Variants in MYO3B observed in about 807,000 individuals in gnomAD.
The protein encoded by MYO3B is myosin IIIB.
In MYO3B, 156 loss-of-function variants were observed where a neutral mutation model predicts 174.6. The ratio of observed to expected loss-of-function variants is 0.89; its 90% CI spans 0.78 to 1.02. The LOEUF (loss-of-function observed/expected upper bound fraction) is 1.02, where lower values mean the gene tolerates loss of function less well. Among genes scored for constraint, MYO3B ranks in the 50% least tolerant of loss-of-function variants. The probability of loss-of-function intolerance (pLI) is 0.00; values close to 1 mark genes in which losing one functional copy is unlikely to be tolerated. For missense variants in MYO3B, 1,632 were observed against 1,639.4 expected, an observed-to-expected ratio of 1.00 and a Z score of 0.08; for synonymous variants, 563 against 569.1, an observed-to-expected ratio of 0.99 and a Z score of 0.15.
rs752391403 is a variant in MYO3B at position 170,369,394 on chromosome 2, C to T, written c.971+17C>T. 4 of 1,603,068 alleles carry T rather than the reference C, an allele frequency of 2.5e-6. No individual in the cohort carries two copies. In the South Asian group the frequency reaches 3.3e-5, roughly 13 times the overall value. ...TAAAACCAGGTACTGTACTCTCTTT[C>T]TTCTTTCTCCCTGTGGTTGTTTATA... is the stretch of plus-strand genomic sequence containing the variant. On this transcript the variant is annotated intron_variant, in intron 9 of 34. Coordinates refer to ENST00000408978, the MANE Select transcript of MYO3B (RefSeq NM_138995.5).
chr2:170,256,740 A>G (rs1369788593), intron 7 of MYO3B, among the ~76,000 whole-genome samples: 1 of 152,150 alleles, frequency 6.6e-6, no homozygotes, highest in Non-Finnish European at 1.5e-5. Flanking sequence ...TGACAGGATC[A>G]AAACCTCACA....
chr2:170,595,931 A>G (rs1694120845), intron 32 of MYO3B, among the ~76,000 whole-genome samples: 2 of 152,180 alleles, frequency 1.3e-5, no homozygotes, highest in South Asian at 2.1e-4. Context: ...ATGTAGTTGC[A>G]TCTTAGTGAG....
chr2:170,329,471 C>T (rs2093896187), intron 7 of MYO3B, among the ~76,000 whole-genome samples: 1 of 151,534 alleles, frequency 6.6e-6, no homozygotes, highest in Non-Finnish European at 1.5e-5. Context: ...ATCTCCACCT[C>T]ACAGGTTCCA....
chr2:170,637,949 C>G (rs889896337), intron 32 of MYO3B, among the ~76,000 whole-genome samples: 1 of 152,152 alleles, frequency 6.6e-6, no homozygotes, highest in Non-Finnish European at 1.5e-5. Context: ...ACTGAAAGAT[C>G]ACAACTGCAT....
At chr2:170,375,280 G>A (rs1465543870) in intron 9 of MYO3B, among the ~76,000 whole-genome samples, 2 of 152,202 alleles carry the variant, frequency 1.3e-5, no homozygotes, top group Middle Eastern at 3.4e-3. Context: ...ATTTTACAAG[G>A]GTTATTGGGA....
intron 7 of MYO3B, among the ~76,000 whole-genome samples, chr2:170,274,684 T>C (rs1388971310): frequency 6.6e-6 from 1 of 152,176 alleles, no homozygotes; most frequent in African/African-American, 2.4e-5. Context: ...ATTCTAGTGA[T>C]AATTCCATGA....
intron 23 of MYO3B, among the ~76,000 whole-genome samples, chr2:170,458,451 A>G (rs1388962444): frequency 6.6e-6 from 1 of 152,168 alleles, no homozygotes; most frequent in Non-Finnish European, 1.5e-5. Context: ...TTTTTATCCT[A>G]AGGTAAAGAA....
chr2:170,526,017 A>T (rs1441126976), intron 30 of MYO3B, among the ~76,000 whole-genome samples: 1 of 152,172 alleles, frequency 6.6e-6, no homozygotes, highest in African/African-American at 2.4e-5. Context: ...ATGATGTGGG[A>T]GTGGTGGTAG....
Position 170,217,364 on chromosome 2 carries a change from C to T in MYO3B, c.572C>T (p.Ser191Phe), listed in dbSNP as rs1218556958. 1 of 1,614,138 alleles carries T rather than the reference C, an allele frequency of 6.2e-7. No homozygotes were observed. The change falls in exon 6 of 35, where the codon TCT (serine) becomes TTT (phenylalanine). Residue 191 changes from serine to phenylalanine, a missense_variant. Ser to Phe is a radical substitution (Grantham distance 155). Transcript: ENST00000408978. ...AGTACACGTCTGCGGAGAAACACAT[C>T]TGTTGGCACCCCGTTCTGGATGGCC... Reference protein sequence around the residue: ...LTSTRLRRNTSVGTPFWMAPE... With the variant: ...LTSTRLRRNTFVGTPFWMAPE...
At chr2:170,211,402 G>T (rs916730540) in intron 3 of MYO3B, among the ~76,000 whole-genome samples, 12 of 152,160 alleles carry the variant, frequency 7.9e-5, no homozygotes, top group African/African-American at 2.4e-4. Context: ...CCCGATTTTA[G>T]CCATGCCAAG....
At chr2:170,623,511 T>C (rs149664478) in intron 32 of MYO3B, among the ~76,000 whole-genome samples, 1,661 of 152,282 alleles carry the variant, frequency 0.011, 33 homozygotes, top group African/African-American at 0.038. Context: ...AATTTTCTCC[T>C]ATTCTGTAGG....
chr2:170,415,682 C>G (rs902829821), intron 22 of MYO3B, among the ~76,000 whole-genome samples: 4 of 152,194 alleles, frequency 2.6e-5, no homozygotes, highest in Non-Finnish European at 5.9e-5. Context: ...AAAGATACCA[C>G]ATGACCAATG....
chr2:170,494,531 A>G (rs1197460209), intron 25 of MYO3B, among the ~76,000 whole-genome samples: 1 of 151,928 alleles, frequency 6.6e-6, no homozygotes, highest in African/African-American at 2.4e-5. Flanking sequence ...AATTCAAGAT[A>G]TGCCTGGCCA....
chr2:170,467,366 T>C (rs913583776), intron 25 of MYO3B, among the ~76,000 whole-genome samples: 1 of 152,192 alleles, frequency 6.6e-6, no homozygotes, highest in East Asian at 1.9e-4. Flanking sequence ...TTCAGTGCAT[T>C]CAATCAATAT....
intron 30 of MYO3B, among the ~76,000 whole-genome samples, chr2:170,526,947 G>A (rs1192637011): frequency 2.0e-5 from 3 of 152,146 alleles, no homozygotes; most frequent in Admixed American, 1.3e-4. Context: ...AGGACCAGAG[G>A]CCTCTTTTAA....
chr2:170,183,745 T>C (rs2092431445), intron 1 of MYO3B, among the ~76,000 whole-genome samples: 2 of 152,308 alleles, frequency 1.3e-5, no homozygotes, highest in South Asian at 2.1e-4. Context: ...GAGATACTTG[T>C]CTTTTTTCTT....
intron 3 of MYO3B, among the ~76,000 whole-genome samples, chr2:170,210,221 C>A (rs1187828233): frequency 6.6e-6 from 1 of 152,132 alleles, no homozygotes; most frequent in Non-Finnish European, 1.5e-5. Flanking sequence ...CTATATAATA[C>A]CCTTTTGAAT....
intron 7 of MYO3B, among the ~76,000 whole-genome samples, chr2:170,247,604 A>G (rs2093205807): frequency 6.6e-6 from 1 of 152,186 alleles, no homozygotes; most frequent in Admixed American, 6.5e-5. Flanking sequence ...AGACAATAGA[A>G]ACTTGTTTCT....
intron 3 of MYO3B, among the ~76,000 whole-genome samples, chr2:170,211,619 G>A (rs570774595): frequency 9.2e-5 from 14 of 152,190 alleles, no homozygotes; most frequent in East Asian, 1.9e-4. Context: ...TGTTCATGGT[G>A]GGGAAGAGAA....
Sources: allele counts gnomAD v4.1 joint callset (sites outside exome capture counted in the v4.1 genomes callset), GRCh38; gene constraint gnomAD v4.1.1; transcripts MANE v1.5; gene names NCBI Gene and HGNC (gene_info 2026-07-23, HGNC 2026-07-21).